Variants in SOX5 observed in about 807,000 individuals in gnomAD.
The protein encoded by SOX5 is transcription factor SOX-5.
In SOX5, 9 loss-of-function variants were observed where a neutral mutation model predicts 92.0. The observed-to-expected ratio is 0.10, with a 90% CI of 0.06 to 0.17. SOX5 has a LOEUF of 0.17. SOX5 is among the 10% of genes least tolerant of loss of function. SOX5 has a pLI of 1.00. For missense variants in SOX5, 642 were observed against 944.5 expected (o/e 0.68, Z 4.20); for synonymous variants, 344 against 336.3 (o/e 1.02, Z -0.25).
chr12:23,741,833 T>C (rs375752642), intron 4 of SOX5, among the ~76,000 whole-genome samples: 2 of 152,292 alleles, frequency 1.3e-5, no homozygotes, highest in East Asian at 3.9e-4. Flanking sequence ...GGAGAAGTCA[T>C]GGTAATCATT....
intron 4 of SOX5, among the ~76,000 whole-genome samples, chr12:23,965,530 T>C (rs1165352694): frequency 6.6e-6 from 1 of 152,162 alleles, no homozygotes; most frequent in African/African-American, 2.4e-5. Context: ...TCCCATCCTC[T>C]TGTGATACTC....
intron 8 of SOX5, among the ~76,000 whole-genome samples, chr12:23,620,507 C>T (rs913737260): frequency 6.6e-6 from 1 of 151,986 alleles, no homozygotes; most frequent in Non-Finnish European, 1.5e-5. Context: ...TTAAATATTT[C>T]CTCTTTCTTG....
intron 4 of SOX5, among the ~76,000 whole-genome samples, chr12:24,178,610 G>A (rs1408265252): frequency 6.6e-6 from 1 of 152,170 alleles, no homozygotes; most frequent in Admixed American, 6.5e-5. Flanking sequence ...CAAACATTAT[G>A]TAGGCCAGAT....
At chr12:23,640,693 T>C in intron 8 of SOX5, 119 bp downstream of exon 8, 1 of 725,326 alleles carries the variant, frequency 1.4e-6, no homozygotes, top group Non-Finnish European at 2.4e-6. Flanking sequence ...ACAAATAAAT[T>C]TAAAAACAGA....
chr12:24,055,123 A>G (rs1347476964), intron 4 of SOX5, among the ~76,000 whole-genome samples: 1 of 152,222 alleles, frequency 6.6e-6, no homozygotes, highest in African/African-American at 2.4e-5. Context: ...CTTAACATAA[A>G]AATGTACTCT....
At chr12:24,300,144 T>C (rs546340465) in intron 2 of SOX5, among the ~76,000 whole-genome samples, 1 of 152,368 alleles carries the variant, frequency 6.6e-6, no homozygotes, top group South Asian at 2.1e-4. Context: ...AAAGCCACAA[T>C]GCTACGTCTT....
At chr12:23,824,978 C>G (rs2096201140) in intron 3 of SOX5, among the ~76,000 whole-genome samples, 1 of 152,176 alleles carries the variant, frequency 6.6e-6, no homozygotes. Context: ...CTTCAGGCTG[C>G]TGTGCTGACA....
chr12:23,853,749 C>T (rs1472995759), intron 2 of SOX5, among the ~76,000 whole-genome samples: 1 of 151,968 alleles, frequency 6.6e-6, no homozygotes, highest in African/African-American at 2.4e-5. Context: ...AAACAAAGAA[C>T]ATTTTGTGCT....
rs1312099494 is a variant in SOX5, at chr12:23,814,424, CAGT to C, written c.481+31556_481+31558del. 7.2e-5 allele frequency among the ~76,000 whole-genome samples: 11 copies of C among 152,242 alleles called. No homozygotes were observed. In the East Asian group the frequency reaches 1.7e-3, roughly 24 times the overall value. On this transcript the variant is annotated intron_variant, in intron 3 of 14. Transcript: ENST00000451604. ...CAATATGAGAGGTTCCTGTAGAAAG[CAGT>C]GGAAAAGACTGTACAACAGAGAAGC...
At chr12:24,256,893 C>G (rs1281417925) in intron 3 of SOX5, among the ~76,000 whole-genome samples, 1 of 152,178 alleles carries the variant, frequency 6.6e-6, no homozygotes, top group African/African-American at 2.4e-5. Context: ...GTCATTAATT[C>G]CTCTTTAGCA....
intron 1 of SOX5, among the ~76,000 whole-genome samples, chr12:24,432,826 A>G (rs1938622770): frequency 6.6e-6 from 1 of 152,162 alleles, no homozygotes; most frequent in Non-Finnish European, 1.5e-5. Flanking sequence ...CATCCAGGAT[A>G]TGCATGTTTT....
At chr12:23,675,194 C>G (rs1310200371) in intron 6 of SOX5, among the ~76,000 whole-genome samples, 1 of 152,194 alleles carries the variant, frequency 6.6e-6, no homozygotes, top group Non-Finnish European at 1.5e-5. Flanking sequence ...TCCCACATCA[C>G]TACTATGTAT....
chr12:23,556,331 T>C (rs1481160275), intron 11 of SOX5, among the ~76,000 whole-genome samples: 2 of 152,180 alleles, frequency 1.3e-5, no homozygotes, highest in African/African-American at 4.8e-5. Flanking sequence ...AGAAGGCAAA[T>C]ATTCAACTTC....
intron 1 of SOX5, among the ~76,000 whole-genome samples, chr12:24,554,466 ACAGTAAG>A (rs911964594): frequency 4.0e-4 from 61 of 152,322 alleles, no homozygotes; most frequent in African/African-American, 1.4e-3. Context: ...CAAAAGCTTC[ACAGTAAG>A]CAGTCCTTAT....
intron 1 of SOX5, among the ~76,000 whole-genome samples, chr12:24,538,598 AACACACACACAC>A (rs60114784): frequency 1.6e-3 from 232 of 143,830 alleles, no homozygotes; most frequent in African/African-American, 4.9e-3. Context: ...GCTGGATCTA[AACACACACACAC>A]ACACACACAC....
At chr12:23,905,923 A>G (rs1659917385) in intron 1 of SOX5, among the ~76,000 whole-genome samples, 1 of 152,196 alleles carries the variant, frequency 6.6e-6, no homozygotes, top group African/African-American at 2.4e-5. Flanking sequence ...TCAAAAACAG[A>G]AACACCTTTA....
At chr12:24,294,526 C>T (rs1946978116) in intron 2 of SOX5, among the ~76,000 whole-genome samples, 1 of 152,174 alleles carries the variant, frequency 6.6e-6, no homozygotes, top group African/African-American at 2.4e-5. Flanking sequence ...CATGCAAATG[C>T]CCACACTCTG....
chr12:24,210,666 T>C (rs60285888), intron 4 of SOX5, among the ~76,000 whole-genome samples: 73 of 152,326 alleles, frequency 4.8e-4, no homozygotes, highest in African/African-American at 1.7e-3. Context: ...AAGGTCCCTA[T>C]TATAAAACAA....
At chr12:23,793,717 G>T (rs183032296) in intron 3 of SOX5, among the ~76,000 whole-genome samples, 1 of 152,236 alleles carries the variant, frequency 6.6e-6, no homozygotes, top group African/African-American at 2.4e-5. Flanking sequence ...ATAACTACAG[G>T]GTACAGCCAG....
Sources: gnomAD v4.1 joint callset for allele counts (sites outside exome capture counted in the v4.1 genomes callset) on GRCh38, gnomAD v4.1.1 for gene constraint, MANE v1.5 for transcripts, NCBI Gene and HGNC (gene_info 2026-07-23, HGNC 2026-07-21) for gene names.